Variants in ANKRD36 observed in about 807,000 individuals in gnomAD.
ANKRD36 encodes the protein ankyrin repeat domain 36.
ANKRD36 carries 179 observed loss-of-function variants against 278.1 expected under a neutral mutation model. That is an observed-to-expected ratio of 0.64 (90% CI 0.57 to 0.73). The LOEUF is 0.73. Among genes scored for constraint, ANKRD36 ranks in the 30% least tolerant of loss-of-function variants. The probability of loss-of-function intolerance (pLI) is 0.00; values close to 1 mark genes in which losing one functional copy is unlikely to be tolerated. For missense variants in ANKRD36, 1,159 were observed against 1,956.7 expected (o/e 0.59, Z 7.69); for synonymous variants, 320 against 641.1 (o/e 0.50, Z 7.57).
chr2:97,150,875 TTTTTTTTTTTC>T (rs2045763652), intron 12 of ANKRD36, among the ~76,000 whole-genome samples: 1 of 30,098 alleles, frequency 3.3e-5, no homozygotes. Context: ...TTTTATTGTT[TTTTTTTTTTTC>T]TTTCCCCCTC....
intron 66 of ANKRD36, among the ~76,000 whole-genome samples, chr2:97,222,285 C>G (rs1320943533): frequency 6.6e-6 from 1 of 151,960 alleles, no homozygotes; most frequent in African/African-American, 2.4e-5. Flanking sequence ...TCCATATGAA[C>G]TTTAAAGTAG....
At chr2:97,220,729 C>CTTTTTTTTTTTTTTTTTTTTTTTTTTT in intron 66 of ANKRD36, among the ~76,000 whole-genome samples, 4 of 66,508 alleles carry the variant, frequency 6.0e-5, no homozygotes, top group Non-Finnish European at 1.2e-4. Flanking sequence ...GATTTTCTTG[C>CTTTTTTTTTTTTTTTTTTTTTTTTTTT]TTTTTTTTTT....
At chr2:97,136,203 A>ATCCAGGTAGTGCTC (rs1256536247) in intron 6 of ANKRD36, among the ~76,000 whole-genome samples, 236 of 147,842 alleles carry the variant, frequency 1.6e-3, no homozygotes, top group African/African-American at 5.7e-3. Context: ...TTTGGAGAGC[A>ATCCAGGTAGTGCTC]TCCAGGTAGC....
At chr2:97,221,086 G>A (rs1386867682) in intron 66 of ANKRD36, among the ~76,000 whole-genome samples, 1 of 132,432 alleles carries the variant, frequency 7.6e-6, no homozygotes, top group Non-Finnish European at 1.5e-5. Context: ...TTTCATCCAT[G>A]TCCCTACAAA....
At chr2:97,218,805 T>G (rs1348413686) in intron 64 of ANKRD36, among the ~76,000 whole-genome samples, 1 of 151,910 alleles carries the variant, frequency 6.6e-6, no homozygotes, top group African/African-American at 2.4e-5. Flanking sequence ...AACACTTTTT[T>G]TTAGCAATAG....
intron 17 of ANKRD36, among the ~76,000 whole-genome samples, chr2:97,160,063 G>A (rs1199694824): frequency 3.3e-5 from 5 of 152,244 alleles, no homozygotes; most frequent in African/African-American, 4.8e-5. Flanking sequence ...GATTACAGGC[G>A]TGAGCCACCA....
chr2:97,185,261 A>G (rs1411549144), intron 28 of ANKRD36, 55 bp from the exon 29 acceptor site: 14 of 1,561,416 alleles, frequency 9.0e-6, no homozygotes, highest in Non-Finnish European at 1.1e-5. Context: ...ATGAATGTAT[A>G]GATAACTTTA....
At position 97,184,117 on chromosome 2, in the gene ANKRD36, G is replaced by A. The variant is rs547456177; in HGVS notation, c.1939+463G>A. 9.2e-5 allele frequency among the ~76,000 whole-genome samples: 14 copies of A among 151,774 alleles called. No homozygotes were observed. In the East Asian group the frequency reaches 2.1e-3, roughly 23 times the overall value. On this transcript the variant is annotated intron_variant, in intron 28 of 75. Coordinates refer to ENST00000420699, the MANE Select transcript of ANKRD36 (RefSeq NM_001354587.1). Reference sequence around the variant, plus strand: ...GTAATTATTTTCATCAAGAAAGAGGGATTGCAAGGCAAGAAAGAGGGGAAG... The same window carrying A: ...GTAATTATTTTCATCAAGAAAGAGGAATTGCAAGGCAAGAAAGAGGGGAAG...
At chr2:97,153,523 T>C (rs1349885645) in intron 14 of ANKRD36, among the ~76,000 whole-genome samples, 2 of 152,122 alleles carry the variant, frequency 1.3e-5, no homozygotes, top group Non-Finnish European at 2.9e-5. Context: ...AAGTGGTTGT[T>C]CAGGTGGAGA....
At chr2:97,216,623 TCAGTTTCAGCAAA>T (rs2065989599) in intron 62 of ANKRD36, 1 of 216,866 alleles carries the variant, frequency 4.6e-6, no homozygotes, top group South Asian at 1.0e-4. Flanking sequence ...TATTATCTAC[TCAGTTTCAGCAAA>T]CAGATATCCA....
At position 97,208,918 on chromosome 2, in the gene ANKRD36, A is replaced by G. The variant is rs913308851; in HGVS notation, c.3266-763A>G. 6.1e-5 allele frequency among the ~76,000 whole-genome samples: 9 copies of G among 146,750 alleles called. 1 individual carries two copies. The highest frequency in any genetic ancestry group is 2.4e-4 in the African/African-American group (9 of 37,748). ...ATATTGCAGTGATTTCTGAATGAAA[A>G]GCTGATTAATATCTAATGCTTGTAG... On this transcript the variant is annotated intron_variant, in intron 54 of 75. Transcript: ENST00000420699.
chr2:97,200,844 A>G (rs2061177485), intron 46 of ANKRD36, among the ~76,000 whole-genome samples: 1 of 151,916 alleles, frequency 6.6e-6, no homozygotes, highest in Non-Finnish European at 1.5e-5. Flanking sequence ...AAGGAGAAAG[A>G]GAGGAAGTAC....
At chr2:97,120,600 A>G (rs1340252752) in intron 3 of ANKRD36, among the ~76,000 whole-genome samples, 2 of 151,932 alleles carry the variant, frequency 1.3e-5, no homozygotes, top group Non-Finnish European at 2.9e-5. Context: ...ATAAATTATA[A>G]ATGAATGAAT....
In ANKRD36 at chr2:97,124,543, G is replaced by A. The variant is rs1217108507; in HGVS notation, c.677G>A (p.Arg226Gln). The A allele has an allele frequency of 5.2e-6, 8 of 1,552,996 alleles. No individual in the cohort carries two copies. Among genetic ancestry groups the A allele is most frequent in the Admixed American group, 2.0e-5 (1 of 50,956 alleles). The change falls in exon 5 of 76, where the codon CGA (arginine) becomes CAA (glutamine). Residue 226 changes from arginine to glutamine, a missense_variant. Transcript: ENST00000420699. ...LLQHNIDVLS[R>Q]DAFRKIAGDY... ...CAGCACAATATTGATGTGCTTTCTC[G>A]AGATGCGTTTCGAAAGATTGCAGGA...
chr2:97,213,763 A>C, intron 60 of ANKRD36, 149 bp downstream of exon 60: 1 of 644,160 alleles, frequency 1.6e-6, no homozygotes, highest in East Asian at 3.0e-5. Context: ...TTCTTGGGTG[A>C]CGCTGATGCT....
Position 97,187,132 on chromosome 2 carries a change from G to T in ANKRD36, c.2042-66G>T, listed in dbSNP as rs534454815. ...GCGGATACAGCTTGATGCTAACACC[G>T]CATGAATGTATGGAAAATGTATCAT... On this transcript the variant is annotated intron_variant, in intron 30 of 75. Transcript: ENST00000420699. The T allele has an allele frequency of 5.6e-6, 9 of 1,597,884 alleles. No individual in the cohort carries two copies. The Admixed American group carries it at 8.5e-5, about 15-fold the overall frequency.
At chr2:97,208,370 G>A (rs1344285342) in intron 54 of ANKRD36, among the ~76,000 whole-genome samples, 1 of 146,584 alleles carries the variant, frequency 6.8e-6, no homozygotes, top group Non-Finnish European at 1.5e-5. Context: ...GTACTGCCAA[G>A]AAAAGACAGA....
chr2:97,231,877 A>T (rs2153675994), intron 67 of ANKRD36, among the ~76,000 whole-genome samples: 1 of 152,216 alleles, frequency 6.6e-6, no homozygotes, highest in East Asian at 2.0e-4. Context: ...ATTAGGAAAA[A>T]GCACTCAAGT....
chr2:97,158,181 A>C lies in ANKRD36; in HGVS notation c.1321+14A>C, dbSNP rs1313416754. ...CTGCAGAAAATTGTAAGCTATTTGA[A>C]ACCTGACTATTATATTATCTACTGA... is the stretch of plus-strand genomic sequence containing the variant. On this transcript the variant is annotated intron_variant, in intron 16 of 75. Transcript: ENST00000420699. 1.8e-5 allele frequency: 26 copies of C among 1,467,784 alleles called. No individual in the cohort carries two copies. Among genetic ancestry groups the C allele is most frequent in the Non-Finnish European group, 2.3e-5 (25 of 1,086,754 alleles). The allele number at this position is 1,467,784 out of a possible 1,614,324, so 90.9% of individuals were successfully genotyped here. A position where few individuals can be genotyped will look rare whatever the true frequency, so the allele number is the denominator to read the frequency against.
Sources: gnomAD v4.1 joint callset for allele counts (sites outside exome capture counted in the v4.1 genomes callset) on GRCh38, gnomAD v4.1.1 for gene constraint, MANE v1.5 for transcripts, NCBI Gene and HGNC (gene_info 2026-07-23, HGNC 2026-07-21) for gene names.